GABBR2: variants seen among roughly 807,000 people sequenced by gnomAD.
GABBR2 encodes gamma-aminobutyric acid type B receptor subunit 2.
Under a neutral mutation model 105.6 loss-of-function variants are expected in GABBR2, and 23 were observed. The observed-to-expected ratio is 0.22, with a 90% CI of 0.16 to 0.31. GABBR2 has a LOEUF of 0.31. Ranked by LOEUF, GABBR2 falls within the 10% of genes least tolerant of loss-of-function variation. The probability of loss-of-function intolerance (pLI) is 1.00; values close to 1 mark genes in which losing one functional copy is unlikely to be tolerated. For synonymous variants in GABBR2, 478 were observed against 499.7 expected (o/e 0.96, Z 0.58); for missense variants, 734 against 1,245.5 (o/e 0.59, Z 6.18).
intron 1 of GABBR2, among the ~76,000 whole-genome samples, chr9:98,628,200 T>C (rs932163386): frequency 6.6e-6 from 1 of 152,178 alleles, no homozygotes; most frequent in African/African-American, 2.4e-5. Flanking sequence ...TTTTAGCTCA[T>C]TTATCAGATG....
chr9:98,518,080 C>G (rs1317116062), intron 3 of GABBR2, among the ~76,000 whole-genome samples: 2 of 152,178 alleles, frequency 1.3e-5, no homozygotes, highest in Admixed American at 6.5e-5. Flanking sequence ...TATTTTTTAC[C>G]TTGGCTGCTT....
chr9:98,606,914 CATTCAGACCTAAG>C lies in GABBR2; in HGVS notation c.322-28855_322-28843del. 3 of 646,158 alleles carry C rather than the reference CATTCAGACCTAAG, an allele frequency of 4.6e-6. No individual in the cohort carries two copies. In the South Asian group the frequency reaches 5.1e-5, roughly 11 times the overall value. The allele number at this position is 646,158 out of a possible 1,614,324, so 40.0% of individuals were successfully genotyped here. On this transcript the variant is annotated intron_variant, in intron 1 of 18. Coordinates refer to ENST00000259455, the MANE Select transcript of GABBR2 (RefSeq NM_005458.8). Reference sequence around the variant, plus strand: ...TGATTGATCCACATGAATTCCTAGGCATTCAGACCTAAGAATCATCTTCTTCCTGCTTGCCCGC... The same window carrying C: ...TGATTGATCCACATGAATTCCTAGGCAATCATCTTCTTCCTGCTTGCCCGC...
chr9:98,624,202 A>G (rs1279493880), intron 1 of GABBR2, among the ~76,000 whole-genome samples: 3 of 152,124 alleles, frequency 2.0e-5, no homozygotes, highest in African/African-American at 7.2e-5. Flanking sequence ...GTGCAATGTG[A>G]GCCCCACGAA....
At chr9:98,437,964 C>T (rs1173056688) in intron 7 of GABBR2, among the ~76,000 whole-genome samples, 3 of 151,632 alleles carry the variant, frequency 2.0e-5, no homozygotes, top group Non-Finnish European at 4.4e-5. Context: ...ATTCATTCAC[C>T]CATGCATCCA....
At chr9:98,307,251 A>G (rs1830565902) in intron 14 of GABBR2, among the ~76,000 whole-genome samples, 1 of 152,198 alleles carries the variant, frequency 6.6e-6, no homozygotes, top group African/African-American at 2.4e-5. Flanking sequence ...CTTGACAGAA[A>G]TGGACAGGGT....
intron 1 of GABBR2, among the ~76,000 whole-genome samples, chr9:98,628,143 C>CG (rs959961691): frequency 1.4e-4 from 22 of 152,186 alleles, no homozygotes; most frequent in South Asian, 4.1e-4. Flanking sequence ...GAATAACTTA[C>CG]GTGTGTTTAA....
At chr9:98,369,117 G>C (rs1252450003) in intron 12 of GABBR2, among the ~76,000 whole-genome samples, 1 of 152,226 alleles carries the variant, frequency 6.6e-6, no homozygotes, top group Non-Finnish European at 1.5e-5. Flanking sequence ...GGTCCTCTGG[G>C]ATTGCAGTCC....
intron 1 of GABBR2, among the ~76,000 whole-genome samples, chr9:98,682,366 C>CTTCTTTT (rs1830561030): frequency 5.7e-5 from 3 of 52,226 alleles, no homozygotes; most frequent in African/African-American, 2.2e-4. Flanking sequence ...ATTTTACCAT[C>CTTCTTTT]TTTTTTTTTT....
chr9:98,331,800 G>C (rs1028156795), intron 13 of GABBR2, among the ~76,000 whole-genome samples: 6 of 152,354 alleles, frequency 3.9e-5, no homozygotes, highest in African/African-American at 1.2e-4. Flanking sequence ...AGGCACATGG[G>C]AAGTGGGAGT....
intron 1 of GABBR2, among the ~76,000 whole-genome samples, chr9:98,649,363 G>A (rs868863040): frequency 1.3e-5 from 2 of 152,170 alleles, no homozygotes; most frequent in Non-Finnish European, 2.9e-5. Flanking sequence ...AAGCTGGAAA[G>A]ACTGAGTGGT....
chr9:98,648,476 A>G lies in GABBR2; in HGVS notation c.321+59941T>C, dbSNP rs576459815. 3.3e-5 allele frequency among the ~76,000 whole-genome samples: 5 copies of G among 152,276 alleles called. No homozygotes were observed. In the South Asian group the frequency reaches 1.0e-3, roughly 32 times the overall value. ...ACCACCCAACGGCATTTAAAGATGC[A>G]TCTCCACGTTTTGACATCACCTTCA... On this transcript the variant is annotated intron_variant, in intron 1 of 18. Transcript: ENST00000259455.
intron 1 of GABBR2, chr9:98,607,333 G>A (rs1199074107): frequency 9.1e-6 from 7 of 765,852 alleles, no homozygotes; most frequent in African/African-American, 1.7e-5. Flanking sequence ...TGCTCCTTCA[G>A]GACATGGACT....
chr9:98,659,770 C>T (rs1314758530), intron 1 of GABBR2, among the ~76,000 whole-genome samples: 1 of 151,978 alleles, frequency 6.6e-6, no homozygotes, highest in Non-Finnish European at 1.5e-5. Context: ...ATCCGCCCAC[C>T]TCGGTCTCCC....
chr9:98,311,251 T>C (rs375262262), intron 13 of GABBR2, 46 bp from the exon 14 acceptor site: 1 of 1,178,560 alleles, frequency 8.5e-7, no homozygotes, highest in Non-Finnish European at 1.3e-6. Context: ...CAGGACACTC[T>C]TCCAGCAACT....
chr9:98,594,084 T>C (rs1310067203), intron 1 of GABBR2, among the ~76,000 whole-genome samples: 1 of 152,086 alleles, frequency 6.6e-6, no homozygotes, highest in African/African-American at 2.4e-5. Context: ...CACCCCAACA[T>C]CTCAGGTCTG....
rs575475219 is a variant in GABBR2 at position 98,504,993 on chromosome 9, A to AG, written c.631-8480dup. 1.4e-4 allele frequency among the ~76,000 whole-genome samples: 21 copies of AG among 152,324 alleles called. No individual in the cohort carries two copies. The South Asian group carries it at 1.7e-3, about 12-fold the overall frequency. ...CAAACACAGGAGAGCTGTCATGTAG[A>AG]GGGGGGGCACCAGGTTCTGCGCACC... On this transcript the variant is annotated intron_variant, in intron 3 of 18. Transcript: ENST00000259455.
intron 1 of GABBR2, among the ~76,000 whole-genome samples, chr9:98,662,105 A>G (rs1446588912): frequency 6.6e-6 from 1 of 152,176 alleles, no homozygotes; most frequent in Non-Finnish European, 1.5e-5. Flanking sequence ...CTACATACAA[A>G]TCTTAGAATC....
chr9:98,390,262 T>C (rs374246847), intron 9 of GABBR2, among the ~76,000 whole-genome samples: 40 of 149,752 alleles, frequency 2.7e-4, no homozygotes, highest in African/African-American at 9.6e-4. Context: ...TAGTCCCAGA[T>C]ACTCGGGAGA....
intron 1 of GABBR2, among the ~76,000 whole-genome samples, chr9:98,675,046 A>G (rs1336324625): frequency 3.3e-5 from 5 of 152,122 alleles, no homozygotes; most frequent in Non-Finnish European, 5.9e-5. Flanking sequence ...CACAGGAAGC[A>G]TGTGTCTTCC....
Sources: allele counts gnomAD v4.1 joint callset (sites outside exome capture counted in the v4.1 genomes callset), GRCh38; gene constraint gnomAD v4.1.1; transcripts MANE v1.5; gene names NCBI Gene and HGNC (gene_info 2026-07-23, HGNC 2026-07-21).